ARMC12: variants seen among roughly 807,000 people sequenced by gnomAD.
ARMC12 encodes armadillo repeat containing 12.
ARMC12 carries 25 observed loss-of-function variants against 37.4 expected under a neutral mutation model. The ratio of observed to expected loss-of-function variants is 0.67; its 90% CI spans 0.49 to 0.93. The LOEUF is 0.93. Among genes scored for constraint, ARMC12 ranks in the 40% least tolerant of loss-of-function variants. The pLI, the probability that ARMC12 is intolerant of heterozygous loss-of-function variation, is 0.00. For synonymous variants in ARMC12, 167 were observed against 176.1 expected (o/e 0.95, Z 0.41); for missense variants, 384 against 426.6 (o/e 0.90, Z 0.88).
chr6:35,733,869 A>C (rs1235636506), upstream of ARMC12: 2 of 152,266 alleles, frequency 1.3e-5, no homozygotes, highest in Non-Finnish European at 2.9e-5. Flanking sequence ...TAACACGATG[A>C]GAACATCGGC....
intron 3 of ARMC12, among the ~76,000 whole-genome samples, chr6:35,744,928 G>C (rs1295821554): frequency 1.3e-5 from 2 of 152,180 alleles, no homozygotes. Context: ...AGATATTACT[G>C]TGCACCTATT....
chr6:35,737,959 A>G, intron 1 of ARMC12, 68 bp from the exon 2 acceptor site: 2 of 1,600,078 alleles, frequency 1.2e-6, no homozygotes, highest in Admixed American at 1.7e-5. Context: ...CCTGTCCCCT[A>G]CTTCCCAACC....
chr6:35,742,626 C>T (rs994181427), intron 3 of ARMC12, among the ~76,000 whole-genome samples: 1 of 151,316 alleles, frequency 6.6e-6, no homozygotes, highest in East Asian at 1.9e-4. Flanking sequence ...TCCCCAGTGT[C>T]TTTATGCTGA....
intron 3 of ARMC12, among the ~76,000 whole-genome samples, chr6:35,740,585 T>C (rs969918059): frequency 3.9e-5 from 6 of 152,222 alleles, no homozygotes; most frequent in South Asian, 4.1e-4. Flanking sequence ...GGAATAACAA[T>C]AAAACAGAAC....
chr6:35,743,813 A>G (rs1767250768), intron 3 of ARMC12, among the ~76,000 whole-genome samples: 1 of 151,984 alleles, frequency 6.6e-6, no homozygotes, highest in East Asian at 1.9e-4. Flanking sequence ...TCTTGAACCC[A>G]GGAGGCCTGT....
rs539599209 is a variant in ARMC12 at position 35,738,275 on chromosome 6, G to A, written c.309+103G>A. ...GACTATATCCTGGGACCTCTCTCTGGCTGATAGCGGTGGGGGGGGGGTGTG... is the reference window on the plus strand; with the variant it reads ...GACTATATCCTGGGACCTCTCTCTGACTGATAGCGGTGGGGGGGGGGTGTG... On this transcript the variant is annotated intron_variant, in intron 2 of 5. Coordinates refer to ENST00000373866, the MANE Select transcript of ARMC12 (RefSeq NM_001286574.2). The A allele has an allele frequency of 1.5e-4, 162 of 1,072,566 alleles. 2 individuals are homozygous for A. Among genetic ancestry groups the A allele is most frequent in the East Asian group, 1.5e-3 (49 of 32,454 alleles). 66.4% of individuals were successfully genotyped at this position (1,072,566 alleles called of 1,614,324 possible).
At chr6:35,749,075 TTTTC>T (rs1767429109) in exon 6 of ARMC12, 2 of 502,178 alleles carry the variant, frequency 4.0e-6, no homozygotes, top group East Asian at 3.4e-5. Context: ...CTCTTGCTGC[TTTTC>T]TTTCTTTTTT....
chr6:35,746,277 A>G (rs1182437937), intron 3 of ARMC12, among the ~76,000 whole-genome samples: 1 of 151,990 alleles, frequency 6.6e-6, no homozygotes, highest in African/African-American at 2.4e-5. Context: ...TGCTAAGCAG[A>G]GGGCACAGCC....
Position 35,738,437 on chromosome 6 carries a change from C to G in ARMC12, c.363C>G (p.Asp121Glu), listed in dbSNP as rs767150932. 27 of 1,613,910 alleles carry G rather than the reference C, an allele frequency of 1.7e-5. No individual in the cohort carries two copies. Among genetic ancestry groups the G allele is most frequent in the Non-Finnish European group, 2.2e-5 (26 of 1,179,994 alleles). Reference sequence around the variant, plus strand: ...TGTTGCTGGGCTACATGCTGGATGACAAGGACAACAGTGTCAAAACCCAAG... The same window carrying G: ...TGTTGCTGGGCTACATGCTGGATGAGAAGGACAACAGTGTCAAAACCCAAG... Reference protein sequence around the residue: ...DIVLLGYMLDDKDNSVKTQAL... With the variant: ...DIVLLGYMLDEKDNSVKTQAL... The change falls in exon 3 of 6, where the codon GAC becomes GAG. Residue 121 changes from aspartate (D) to glutamate (E), a missense_variant. Asp to Glu is a conservative substitution (Grantham distance 45, BLOSUM62 2). Transcript: ENST00000373866.
intron 2 of ARMC12, 96 bp from the exon 3 acceptor site, chr6:35,738,288 G>GGC (rs1554141446): frequency 1.1e-5 from 16 of 1,400,782 alleles, no homozygotes; most frequent in Admixed American, 2.0e-5. Flanking sequence ...GATAGCGGTG[G>GGC]GGGGGGGGTG....
chr6:35,738,019 CTG>C lies in ARMC12; in HGVS notation c.164-6_164-5del. The C allele has an allele frequency of 6.2e-7, 1 of 1,612,448 alleles. No individual in the cohort carries two copies. The highest frequency in any genetic ancestry group is 1.1e-5 in the South Asian group (1 of 91,084). ...CACAGCCTGAACTGGGCTGGGGTGG[CTG>C]TCTAGGCCTGGCAGTCGAGCGAGAG... On this transcript the variant is annotated splice_region_variant and splice_polypyrimidine_tract_variant and intron_variant, in intron 1 of 5. Transcript: ENST00000373866.
Position 35,748,827 on chromosome 6 carries a change from C to A in ARMC12, c.980C>A (p.Ser327Tyr). The change falls in exon 6 of 6, where the codon TCC (serine) becomes TAC (tyrosine). Residue 327 changes from serine (S) to tyrosine (Y), a missense_variant. Transcript: ENST00000373866. ...CCCCAGGACTTGAGAGCCCGGCCCT[C>A]CTCCTGCCAGCCCAGTCGTTCCTAC... ...QYPQDLRARP[S>Y]SCQPSRSYFK... 4.3e-6 allele frequency: 7 copies of A among 1,613,914 alleles called. No individual in the cohort carries two copies. The highest frequency in any genetic ancestry group is 5.9e-6 in the Non-Finnish European group (7 of 1,179,918).
upstream of ARMC12, among the ~76,000 whole-genome samples, chr6:35,732,108 A>G (rs1766846978): frequency 6.6e-6 from 1 of 152,104 alleles, no homozygotes; most frequent in African/African-American, 2.4e-5. Flanking sequence ...GGGACGGGGA[A>G]AGGCGCGGCC....
intron 2 of ARMC12, 89 bp from the exon 3 acceptor site, chr6:35,738,295 G>GGC: frequency 2.1e-6 from 3 of 1,414,992 alleles, no homozygotes; most frequent in Admixed American, 2.0e-5. Flanking sequence ...GTGGGGGGGG[G>GGC]GTGTGCGGAG....
Position 35,742,021 on chromosome 6 carries a change from C to A in ARMC12, c.444+3503C>A, listed in dbSNP as rs559683595. ...TACAGGCATGCACCAATATGCCCGG[C>A]TAATTTTTGTATTTTTTTAGAGGTG... On this transcript the variant is annotated intron_variant, in intron 3 of 5. Transcript: ENST00000373866. 2.6e-5 allele frequency among the ~76,000 whole-genome samples: 4 copies of A among 151,614 alleles called. No homozygotes were observed. The East Asian group carries it at 8.0e-4, about 30-fold the overall frequency.
intron 3 of ARMC12, among the ~76,000 whole-genome samples, chr6:35,745,296 G>T (rs1351597322): frequency 6.6e-6 from 1 of 152,160 alleles, no homozygotes; most frequent in Non-Finnish European, 1.5e-5. Flanking sequence ...GTAATAAAAA[G>T]GAATATAATA....
chr6:35,744,664 A>C (rs534980218), intron 3 of ARMC12, among the ~76,000 whole-genome samples: 23 of 152,164 alleles, frequency 1.5e-4, no homozygotes, highest in Non-Finnish European at 2.9e-4. Flanking sequence ...CTGAGAAAGG[A>C]GAATCACTTG....
At chr6:35,740,403 G>A (rs1395055538) in intron 3 of ARMC12, among the ~76,000 whole-genome samples, 1 of 151,794 alleles carries the variant, frequency 6.6e-6, no homozygotes, top group Non-Finnish European at 1.5e-5. Flanking sequence ...CTTACGCTCC[G>A]CTCCCCCATC....
chr6:35,736,500 C>T (rs1766966444), upstream of ARMC12, among the ~76,000 whole-genome samples: 1 of 152,234 alleles, frequency 6.6e-6, no homozygotes, highest in Admixed American at 6.5e-5. Context: ...TCTGGAGCTA[C>T]CTGCTGGGGT....
Sources: allele counts gnomAD v4.1 joint callset (sites outside exome capture counted in the v4.1 genomes callset), GRCh38; gene constraint gnomAD v4.1.1; transcripts MANE v1.5; gene names NCBI Gene and HGNC (gene_info 2026-07-23, HGNC 2026-07-21).